Variants in RACGAP1 observed in about 807,000 individuals in gnomAD.
RACGAP1 encodes the protein Rac GTPase activating protein 1, also known as rac GTPase-activating protein 1.
Under a neutral mutation model 78.1 loss-of-function variants are expected in RACGAP1, and 30 were observed. The ratio of observed to expected loss-of-function variants is 0.38; its 90% CI spans 0.29 to 0.52. RACGAP1 has a LOEUF of 0.52. Ranked by LOEUF, RACGAP1 falls within the 20% of genes least tolerant of loss-of-function variation. The pLI is 0.82. For missense variants in RACGAP1, 587 were observed against 777.1 expected, an observed-to-expected ratio of 0.76 and a Z score of 2.91; for synonymous variants, 231 against 264.8, an observed-to-expected ratio of 0.87 and a Z score of 1.24.
chr12:50,016,419 C>T (rs939598086), intron 2 of RACGAP1, among the ~76,000 whole-genome samples: 60 of 152,112 alleles, frequency 3.9e-4, no homozygotes, highest in African/African-American at 1.3e-3. Flanking sequence ...AAAAGCCTGG[C>T]TAAAACCTAT....
chr12:49,999,614 AC>A lies in RACGAP1; in HGVS notation c.748+1del, dbSNP rs762725724. On this transcript the variant is annotated splice_donor_variant, in intron 8 of 16. Coordinates refer to ENST00000312377, the MANE Select transcript of RACGAP1 (RefSeq NM_001319999.2). LOFTEE classifies it high-confidence loss of function. Reference sequence around the variant, plus strand: ...GCCAGTTTAGTCACAAATTCAATGGACCTGTTTTCCTTCGGCTCCTGGTCCA... The same window carrying A: ...GCCAGTTTAGTCACAAATTCAATGGACTGTTTTCCTTCGGCTCCTGGTCCA... The A allele has an allele frequency of 1.2e-6, 2 of 1,611,096 alleles. No individual in the cohort carries two copies. The highest frequency in any genetic ancestry group is 2.2e-5 in the South Asian group (2 of 91,006).
intron 7 of RACGAP1, among the ~76,000 whole-genome samples, chr12:50,000,005 C>T (rs1948560363): frequency 9.9e-6 from 1 of 100,638 alleles, no homozygotes; most frequent in Non-Finnish European, 2.0e-5. Context: ...GCATGCGCCA[C>T]CACACCTGAC....
chr12:49,994,607 T>C, intron 10 of RACGAP1, 98 bp from the exon 11 acceptor site: 1 of 1,473,088 alleles, frequency 6.8e-7, no homozygotes, highest in Non-Finnish European at 9.0e-7. Flanking sequence ...ATTCTCAAAC[T>C]GGGACATCAT....
At chr12:50,026,426 T>C (rs572794135), upstream of RACGAP1, among the ~76,000 whole-genome samples, 7 of 152,086 alleles carry the variant, frequency 4.6e-5, no homozygotes, top group Non-Finnish European at 7.4e-5. Context: ...AGATATAAAA[T>C]TTCAGTTAGA....
At position 49,989,264 on chromosome 12, in the gene RACGAP1, C is replaced by T. The variant is rs1015427213; in HGVS notation, c.*1004G>A. On this transcript the variant is annotated 3_prime_UTR_variant, in exon 17 of 17. Transcript: ENST00000312377. ...AGTCAAACATTCTACAGAAGAAAAT[C>T]GTTTTTACAGACATTAAGAATAATT... The T allele has an allele frequency of 1.3e-5, 2 of 152,096 alleles. No homozygotes were observed. The highest frequency in any genetic ancestry group is 6.6e-5 in the Admixed American group (1 of 15,256). The allele number at this position is 152,096 out of a possible 1,614,324, so 9.4% of individuals were successfully genotyped here.
chr12:50,015,409 C>T (rs1949600458), intron 2 of RACGAP1, among the ~76,000 whole-genome samples: 1 of 152,100 alleles, frequency 6.6e-6, no homozygotes, highest in Non-Finnish European at 1.5e-5. Context: ...GTGGCTCATG[C>T]CTATAATCTC....
At chr12:50,019,747 T>C (rs1463299772) in intron 1 of RACGAP1, 2 of 126,350 alleles carry the variant, frequency 1.6e-5, no homozygotes, top group Admixed American at 1.6e-4. Context: ...GACAAACCTT[T>C]AGCTCTTCTA....
chr12:50,022,667 G>A (rs1269981409), intron 1 of RACGAP1, among the ~76,000 whole-genome samples: 2 of 152,090 alleles, frequency 1.3e-5, no homozygotes, highest in East Asian at 1.9e-4. Flanking sequence ...TGTACCATCT[G>A]ATCTAATCTT....
chr12:50,031,745 G>A (rs1489582519), exon 2 of RACGAP1: 2 of 985,240 alleles, frequency 2.0e-6, no homozygotes, highest in African/African-American at 3.5e-5. Context: ...CCGTGCCTTT[G>A]GCATAAACTC....
At chr12:50,031,788 C>T (rs1319125550) in exon 2 of RACGAP1, 3 of 984,278 alleles carry the variant, frequency 3.0e-6, no homozygotes, top group African/African-American at 3.5e-5. Context: ...TTTCATACTC[C>T]TGATTTGTTT....
At chr12:50,023,237 A>G (rs1950100359) in intron 1 of RACGAP1, among the ~76,000 whole-genome samples, 1 of 152,208 alleles carries the variant, frequency 6.6e-6, no homozygotes, top group Admixed American at 6.5e-5. Flanking sequence ...ATTAGGGTGT[A>G]AAAACATTTT....
chr12:49,994,986 T>G (rs1349693704), intron 10 of RACGAP1, among the ~76,000 whole-genome samples: 2 of 152,224 alleles, frequency 1.3e-5, no homozygotes, highest in Non-Finnish European at 2.9e-5. Flanking sequence ...ATCAGTTGAT[T>G]ATGACACAAA....
chr12:50,020,344 AT>A (rs60664308), intron 1 of RACGAP1, among the ~76,000 whole-genome samples: 1 of 147,422 alleles, frequency 6.8e-6, no homozygotes, highest in African/African-American at 2.5e-5. Context: ...GGCCCAGCTA[AT>A]TTTTTTTTTT....
At chr12:50,002,072 G>GAAAAAA (rs79466036) in intron 6 of RACGAP1, among the ~76,000 whole-genome samples, 175 bp downstream of exon 6, 4 of 87,218 alleles carry the variant, frequency 4.6e-5, no homozygotes, top group African/African-American at 7.8e-5. Context: ...TCAAAAAAAA[G>GAAAAAA]AAAAAAAAAA....
chr12:50,029,208 T>C (rs1592251405), upstream of RACGAP1, among the ~76,000 whole-genome samples: 1 of 105,934 alleles, frequency 9.4e-6, no homozygotes. Flanking sequence ...AAAGTGAGAC[T>C]CCATCTCAAA....
At chr12:49,996,081 G>A (rs1948244349) in intron 10 of RACGAP1, among the ~76,000 whole-genome samples, 1 of 152,130 alleles carries the variant, frequency 6.6e-6, no homozygotes, top group African/African-American at 2.4e-5. Context: ...GGAGGCCGAG[G>A]CAGGCGGATC....
chr12:50,014,754 A>G (rs1949556252), intron 2 of RACGAP1, among the ~76,000 whole-genome samples: 1 of 151,146 alleles, frequency 6.6e-6, no homozygotes, highest in Non-Finnish European at 1.5e-5. Context: ...TTCTGTAGAG[A>G]TGGGGTTTTT....
chr12:50,003,540 C>T (rs956938494), intron 5 of RACGAP1, among the ~76,000 whole-genome samples: 1 of 152,126 alleles, frequency 6.6e-6, no homozygotes, highest in Non-Finnish European at 1.5e-5. Flanking sequence ...ACCAGAAAAC[C>T]AGTCACCAAA....
chr12:49,997,268 CTAACT>C, intron 9 of RACGAP1, 64 bp from the exon 10 acceptor site: 5 of 1,311,528 alleles, frequency 3.8e-6, no homozygotes, highest in Non-Finnish European at 5.0e-6. Flanking sequence ...TCATAATCAA[CTAACT>C]TTTTTTTTTT....
Sources: allele counts gnomAD v4.1 joint callset (sites outside exome capture counted in the v4.1 genomes callset), GRCh38; gene constraint gnomAD v4.1.1; transcripts MANE v1.5; gene names NCBI Gene and HGNC (gene_info 2026-07-23, HGNC 2026-07-21).